Variants in GGT1 observed in about 807,000 individuals in gnomAD.
GGT1 encodes the protein gamma-glutamyltransferase 1.
GGT1 carries 21 observed loss-of-function variants against 56.0 expected under a neutral mutation model. That is an observed-to-expected ratio of 0.38 (90% CI 0.27 to 0.54). GGT1 has a LOEUF of 0.54. GGT1 is among the 20% of genes least tolerant of loss of function. GGT1 has a pLI of 0.82. For missense variants in GGT1, 466 were observed against 787.0 expected, an observed-to-expected ratio of 0.59 and a Z score of 4.88; for synonymous variants, 238 against 342.6, an observed-to-expected ratio of 0.69 and a Z score of 3.37.
upstream of GGT1, among the ~76,000 whole-genome samples, chr22:24,599,760 G>A (rs565227395): frequency 1.8e-3 from 270 of 152,328 alleles, 1 homozygote; most frequent in Non-Finnish European, 2.8e-3. Context: ...GAGCATTCCT[G>A]AGCCCAGCAT....
upstream of GGT1, among the ~76,000 whole-genome samples, chr22:24,601,745 G>T (rs928380278): frequency 9.9e-5 from 15 of 152,264 alleles, no homozygotes; most frequent in African/African-American, 3.6e-4. Flanking sequence ...GTGATAAGGA[G>T]ATGAAAGTCA....
In GGT1 at chr22:24,608,029, C is replaced by T; in HGVS notation, c.-359+6C>T. On this transcript the variant is annotated splice_donor_region_variant and intron_variant, in intron 2 of 15. Coordinates refer to ENST00000400382, the MANE Select transcript of GGT1 (RefSeq NM_001288833.2). ...CCACTGTCCCCAGGCCTCAGGTAAG[C>T]CCATCAGGGTCCCAAGGAAGGGGGT... is the stretch of plus-strand genomic sequence containing the variant. 2 of 468,424 alleles carry T rather than the reference C, an allele frequency of 4.3e-6. No homozygotes were observed. The highest frequency in any genetic ancestry group is 1.6e-5 in the South Asian group (1 of 64,384). 29.0% of individuals were successfully genotyped at this position (468,424 alleles called of 1,614,324 possible). A position where few individuals can be genotyped will look rare whatever the true frequency, so the allele number is the denominator to read the frequency against.
At chr22:24,588,599 C>T in the GGT1 span, 1 of 976,838 alleles carries the variant, frequency 1.0e-6, no homozygotes, top group South Asian at 2.1e-5. Context: ...AGCCCTTGTT[C>T]CCTGTCCTCG....
upstream of GGT1, among the ~76,000 whole-genome samples, chr22:24,591,973 C>T (rs1329162857): frequency 1.3e-5 from 2 of 152,194 alleles, no homozygotes; most frequent in East Asian, 3.9e-4. Context: ...TGGCTTGCCC[C>T]ACATTTTCTC....
At chr22:24,585,841 T>A in the GGT1 span, 1 of 1,502,434 alleles carries the variant, frequency 6.7e-7, no homozygotes, top group South Asian at 1.3e-5. Flanking sequence ...ATCATGTGCT[T>A]GAGAGCATCA....
intron 9 of GGT1, among the ~76,000 whole-genome samples, chr22:24,622,550 C>T (rs1213577656): frequency 9.2e-5 from 14 of 151,908 alleles, no homozygotes; most frequent in African/African-American, 2.9e-4. Context: ...GGCGATAGAG[C>T]GAGACTCCGT....
chr22:24,606,121 ATATAT>A lies in GGT1; in HGVS notation c.-428-1827_-428-1823del, dbSNP rs1184427084. On this transcript the variant is annotated intron_variant, in intron 1 of 15. Coordinates refer to ENST00000400382, the MANE Select transcript of GGT1 (RefSeq NM_001288833.2). ...ATAATTTATATAATATATCATATAAATATATTATATATAGTATTATATATATAAAA... is the reference window on the plus strand; with the variant it reads ...ATAATTTATATAATATATCATATAAATATATATAGTATTATATATATAAAA... Among the ~76,000 whole-genome samples, 27 of 128,886 alleles carry A rather than the reference ATATAT, an allele frequency of 2.1e-4. 1 individual carries two copies. The highest frequency in any genetic ancestry group is 3.3e-4 in the Non-Finnish European group (21 of 63,698). The allele number at this position is 128,886 out of a possible 152,430, so 84.6% of individuals were successfully genotyped here.
At chr22:24,613,178 C>T (rs1347177575) in intron 5 of GGT1, among the ~76,000 whole-genome samples, 2 of 152,060 alleles carry the variant, frequency 1.3e-5, no homozygotes, top group African/African-American at 2.4e-5. Context: ...TGGGCTTAAG[C>T]GATCCTCCCA....
the GGT1 span, among the ~76,000 whole-genome samples, chr22:24,586,595 A>G: frequency 6.6e-6 from 1 of 152,246 alleles, no homozygotes; most frequent in African/African-American, 2.4e-5. Flanking sequence ...GCAGTGGCAC[A>G]ATCTCGGCTT....
intron 12 of GGT1, 79 bp downstream of exon 12, chr22:24,627,698 G>A (rs2047882109): frequency 6.4e-7 from 1 of 1,561,526 alleles, no homozygotes; most frequent in African/African-American, 1.4e-5. Context: ...CCAGTAAGGT[G>A]GCTCCGTCAC....
chr22:24,627,730 G>C lies in GGT1; in HGVS notation c.1208+111G>C, dbSNP rs985011585. 3.2e-6 allele frequency: 5 copies of C among 1,565,432 alleles called. No individual in the cohort carries two copies. In the African/African-American group the frequency reaches 5.5e-5, roughly 17 times the overall value. On this transcript the variant is annotated intron_variant, in intron 12 of 15. Transcript: ENST00000400382. ...TCACCTCTTTTCCTGGTGGGAAACT[G>C]AGGCCCAACCTTGGTAGCTTATCCT...
At chr22:24,613,761 AAGAAAG>A (rs1258248212) in intron 5 of GGT1, among the ~76,000 whole-genome samples, 3,630 of 149,356 alleles carry the variant, frequency 0.024, 166 homozygotes, top group African/African-American at 0.084. Flanking sequence ...GAAAAAAAAA[AAGAAAG>A]AAAAGAAAAG....
At chr22:24,618,269 AC>A (rs778675102) in intron 7 of GGT1, among the ~76,000 whole-genome samples, 7 of 152,032 alleles carry the variant, frequency 4.6e-5, no homozygotes, top group Non-Finnish European at 1.0e-4. Flanking sequence ...AAGCATCGTC[AC>A]CCTGGTCTGC....
Position 24,615,024 on chromosome 22 carries a change from C to A in GGT1, c.296-17C>A. The A allele has an allele frequency of 1.2e-6, 2 of 1,608,082 alleles. No homozygotes were observed. Among genetic ancestry groups the A allele is most frequent in the Non-Finnish European group, 1.7e-6 (2 of 1,176,152 alleles). On this transcript the variant is annotated splice_polypyrimidine_tract_variant and intron_variant, in intron 6 of 15. Coordinates refer to ENST00000400382, the MANE Select transcript of GGT1 (RefSeq NM_001288833.2). ...GGGTTTGGGTGGGCGGGCCTGCCTA[C>A]CTGCTTCTCCTTCTAGGAAAAGCTG... is the stretch of plus-strand genomic sequence containing the variant.
chr22:24,608,222 A>G (rs1309620961), intron 2 of GGT1, among the ~76,000 whole-genome samples, 199 bp downstream of exon 2: 1 of 152,168 alleles, frequency 6.6e-6, no homozygotes, highest in Non-Finnish European at 1.5e-5. Flanking sequence ...GGACCTCAGC[A>G]GGGTGTCTTC....
upstream of GGT1, among the ~76,000 whole-genome samples, chr22:24,600,479 C>G (rs2045764790): frequency 6.6e-6 from 1 of 152,234 alleles, no homozygotes; most frequent in Admixed American, 6.5e-5. Context: ...CTGCTGGGTG[C>G]TCCCAGGCAT....
chr22:24,596,726 T>C (rs867127235), intron 1 of GGT1, among the ~76,000 whole-genome samples: 2 of 134,960 alleles, frequency 1.5e-5, no homozygotes, highest in Non-Finnish European at 3.1e-5. Flanking sequence ...GGTGAAACCC[T>C]GTCTCTACTA....
intron 11 of GGT1, among the ~76,000 whole-genome samples, chr22:24,625,775 T>C (rs2047715807): frequency 6.6e-6 from 1 of 151,096 alleles, no homozygotes; most frequent in African/African-American, 2.4e-5. Context: ...GTGATCCGCC[T>C]GCCTCGGCCT....
In GGT1 at chr22:24,607,792, G is replaced by C. The variant is rs1476268701; in HGVS notation, c.-428-162G>C. The C allele has an allele frequency of 8.8e-6, 3 of 342,320 alleles. No homozygotes were observed. In the Admixed American group the frequency reaches 1.3e-4, roughly 14 times the overall value. The allele number at this position is 342,320 out of a possible 1,614,324, so 21.2% of individuals were successfully genotyped here. A position where few individuals can be genotyped will look rare whatever the true frequency, so the allele number is the denominator to read the frequency against. ...TTCCCTGCCTCTGCTCCTCCTCGGA[G>C]GTGGCCACCCCCAGATCCCAGTCCC... On this transcript the variant is annotated intron_variant, in intron 1 of 15. Transcript: ENST00000400382.
Sources: allele counts gnomAD v4.1 joint callset (sites outside exome capture counted in the v4.1 genomes callset), GRCh38; gene constraint gnomAD v4.1.1; transcripts MANE v1.5; gene names NCBI Gene and HGNC (gene_info 2026-07-23, HGNC 2026-07-21).